Variants in CNTNAP5 observed in about 807,000 individuals in gnomAD.
CNTNAP5 encodes the protein contactin associated protein family member 5.
Under a neutral mutation model 150.2 loss-of-function variants are expected in CNTNAP5, and 72 were observed. The ratio of observed to expected loss-of-function variants is 0.48; its 90% CI spans 0.40 to 0.58. The LOEUF (loss-of-function observed/expected upper bound fraction) is 0.58. CNTNAP5 is among the 20% of genes least tolerant of loss of function. The pLI is 0.00. For synonymous variants in CNTNAP5, 672 were observed against 619.8 expected (o/e 1.08, Z -1.25); for missense variants, 1,636 against 1,626.2 (o/e 1.01, Z -0.10).
intron 13 of CNTNAP5, among the ~76,000 whole-genome samples, chr2:124,648,624 T>C (rs1678255553): frequency 6.6e-6 from 1 of 152,210 alleles, no homozygotes; most frequent in Non-Finnish European, 1.5e-5. Flanking sequence ...GTTATTAACA[T>C]GCTTTGAAAA....
chr2:124,718,052 A>G (rs1412000107), intron 13 of CNTNAP5, among the ~76,000 whole-genome samples: 2 of 152,186 alleles, frequency 1.3e-5, no homozygotes, highest in Non-Finnish European at 2.9e-5. Flanking sequence ...TACTCTACCC[A>G]CACCAGTTCT....
chr2:124,490,034 A>T (rs188782760), intron 7 of CNTNAP5, among the ~76,000 whole-genome samples: 28 of 152,298 alleles, frequency 1.8e-4, no homozygotes, highest in African/African-American at 6.5e-4. Context: ...ATGGAGGAAC[A>T]GGCAGAGTGC....
chr2:124,643,308 G>C (rs1373447743), intron 12 of CNTNAP5, among the ~76,000 whole-genome samples: 1 of 152,152 alleles, frequency 6.6e-6, no homozygotes, highest in Non-Finnish European at 1.5e-5. Context: ...ATTGGGTAGT[G>C]GTGTGCAGTA....
rs530414229 is a variant in CNTNAP5 at position 124,320,092 on chromosome 2, C to T, written c.381+77699C>T. Among the ~76,000 whole-genome samples the T allele has an allele frequency of 1.8e-4, 28 of 152,346 alleles. No individual in the cohort carries two copies. The South Asian group carries it at 3.9e-3, about 21-fold the overall frequency. ...AACGCTCCCTGTGTGAACACCCACT[C>T]TGATTCCATTTACGTCGTAACATAC... On this transcript the variant is annotated intron_variant, in intron 3 of 23. Coordinates refer to ENST00000682447, the MANE Select transcript of CNTNAP5 (RefSeq NM_001367498.1).
chr2:124,814,921 T>G (rs1682328355), intron 19 of CNTNAP5, among the ~76,000 whole-genome samples: 1 of 152,150 alleles, frequency 6.6e-6, no homozygotes, highest in East Asian at 1.9e-4. Context: ...CGTGATCAAG[T>G]CATCAGCTCC....
At position 124,552,255 on chromosome 2, in the gene CNTNAP5, T is replaced by C. The variant is rs148522318; in HGVS notation, c.1650-10962T>C. Among the ~76,000 whole-genome samples the C allele has an allele frequency of 3.1e-4, 47 of 152,310 alleles. 1 individual carries two copies. The highest frequency in any genetic ancestry group is 1.0e-3 in the African/African-American group (42 of 41,568). On this transcript the variant is annotated intron_variant, in intron 10 of 23. Transcript: ENST00000682447. ...TAGACTTGGGTTTAAATGTTCACTC[T>C]GCCCTCACTGGAAATCTGGAACTCG...
intron 8 of CNTNAP5, 69 bp downstream of exon 8, chr2:124,504,625 A>G: frequency 1.3e-6 from 2 of 1,486,254 alleles, no homozygotes; most frequent in African/African-American, 2.8e-5. Flanking sequence ...GGTCCTGACA[A>G]AAACATACAG....
At chr2:124,412,543 T>C (rs1691799432) in intron 3 of CNTNAP5, among the ~76,000 whole-genome samples, 1 of 151,698 alleles carries the variant, frequency 6.6e-6, no homozygotes, top group Non-Finnish European at 1.5e-5. Flanking sequence ...TATAGATCAA[T>C]GGAACAGAGC....
chr2:124,717,308 T>A (rs1299979481), intron 13 of CNTNAP5, among the ~76,000 whole-genome samples: 2 of 152,204 alleles, frequency 1.3e-5, no homozygotes, highest in African/African-American at 4.8e-5. Context: ...GGTTTTCATT[T>A]CAGAATGGAA....
intron 10 of CNTNAP5, among the ~76,000 whole-genome samples, chr2:124,560,385 G>A (rs996561059): frequency 2.6e-5 from 4 of 151,918 alleles, no homozygotes; most frequent in East Asian, 1.9e-4. Context: ...TGGGCATGGT[G>A]GCAGGCTCCT....
At chr2:124,596,080 A>C (rs1304548539) in intron 11 of CNTNAP5, among the ~76,000 whole-genome samples, 1 of 132,864 alleles carries the variant, frequency 7.5e-6, no homozygotes, top group Non-Finnish European at 1.6e-5. Flanking sequence ...TGATCCTTTC[A>C]AAAAACCAGC....
At chr2:124,627,159 C>T (rs1484818640) in intron 12 of CNTNAP5, among the ~76,000 whole-genome samples, 5 of 152,264 alleles carry the variant, frequency 3.3e-5, no homozygotes, top group African/African-American at 4.8e-5. Flanking sequence ...TCCTGCCTGC[C>T]GGCTCTGAAA....
intron 17 of CNTNAP5, chr2:124,778,350 C>T (rs773582816): frequency 2.6e-5 from 4 of 152,268 alleles, no homozygotes; most frequent in Admixed American, 6.5e-5. Context: ...GGAAGTGTGT[C>T]GAAAACCTCC....
chr2:124,496,300 C>T (rs1229934031), intron 7 of CNTNAP5, among the ~76,000 whole-genome samples: 2 of 152,152 alleles, frequency 1.3e-5, no homozygotes, highest in Non-Finnish European at 2.9e-5. Flanking sequence ...GCGTGCCAGT[C>T]AGTGCTGGTA....
chr2:124,870,245 T>G (rs1677717126), intron 21 of CNTNAP5, among the ~76,000 whole-genome samples: 1 of 151,924 alleles, frequency 6.6e-6, no homozygotes. Context: ...AAATTTTTTA[T>G]CTACTTGATG....
intron 13 of CNTNAP5, among the ~76,000 whole-genome samples, chr2:124,653,934 C>T (rs896915125): frequency 2.9e-5 from 4 of 135,680 alleles, no homozygotes; most frequent in African/African-American, 1.1e-4. Flanking sequence ...GCCACACACA[C>T]ACAATCAGTG....
At chr2:124,661,949 C>A (rs1678601333) in intron 13 of CNTNAP5, among the ~76,000 whole-genome samples, 1 of 152,032 alleles carries the variant, frequency 6.6e-6, no homozygotes, top group Admixed American at 6.6e-5. Context: ...TTTGCTGCAC[C>A]AGTCAGTCCA....
rs761439127 is a variant in CNTNAP5 at position 124,417,532 on chromosome 2, G to T, written c.471G>T (p.Leu157=). The part of the protein sequence containing the change: ...VRARFVRFVP[L]EWNPSGKIGM... ...CCCGATTTGTTCGCTTTGTGCCCCT[G>T]GAATGGAATCCCAGTGGGAAGATTG... Residue 157 remains leucine, a synonymous_variant, in exon 4 of 24, where the codon CTG becomes CTT. Coordinates refer to ENST00000682447, the MANE Select transcript of CNTNAP5 (RefSeq NM_001367498.1). The T allele has an allele frequency of 2.5e-6, 4 of 1,613,648 alleles. No homozygotes were observed. The highest frequency in any genetic ancestry group is 1.7e-5 in the Admixed American group (1 of 59,970).
intron 13 of CNTNAP5, among the ~76,000 whole-genome samples, chr2:124,650,999 T>C (rs1291910538): frequency 6.6e-6 from 1 of 152,214 alleles, no homozygotes; most frequent in Non-Finnish European, 1.5e-5. Flanking sequence ...TCTTGCCACA[T>C]TGAATTCTGC....
Sources: gnomAD v4.1 joint callset for allele counts (sites outside exome capture counted in the v4.1 genomes callset) on GRCh38, gnomAD v4.1.1 for gene constraint, MANE v1.5 for transcripts, NCBI Gene and HGNC (gene_info 2026-07-23, HGNC 2026-07-21) for gene names.